Variants in HS3ST2 observed in about 807,000 individuals in gnomAD.
The protein encoded by HS3ST2 is heparan sulfate-glucosamine 3-sulfotransferase 2, also known as heparan sulfate glucosamine 3-O-sulfotransferase 2.
HS3ST2 carries 17 observed loss-of-function variants against 26.3 expected under a neutral mutation model. The observed-to-expected ratio is 0.65, with a 90% confidence interval of 0.44 to 0.97. The LOEUF (loss-of-function observed/expected upper bound fraction) is 0.97, where lower values mean the gene tolerates loss of function less well. Among genes scored for constraint, HS3ST2 ranks in the 50% least tolerant of loss-of-function variants. HS3ST2 has a pLI of 0.00. For missense variants in HS3ST2, 402 were observed against 501.2 expected (o/e 0.80, Z 1.89); for synonymous variants, 237 against 219.2 (o/e 1.08, Z -0.72).
intron 1 of HS3ST2, among the ~76,000 whole-genome samples, chr16:22,852,941 A>C (rs1003393825): frequency 2.2e-5 from 3 of 137,370 alleles, no homozygotes; most frequent in African/African-American, 9.6e-5. Flanking sequence ...GGTTCTGACT[A>C]ATCTCACGAA....
At chr16:22,851,406 G>A (rs913196545) in intron 1 of HS3ST2, among the ~76,000 whole-genome samples, 1 of 152,112 alleles carries the variant, frequency 6.6e-6, no homozygotes, top group Non-Finnish European at 1.5e-5. Flanking sequence ...GGAGTCAAGG[G>A]GCTTGCTCAA....
intron 1 of HS3ST2, among the ~76,000 whole-genome samples, chr16:22,831,374 G>A (rs1000463478): frequency 6.6e-6 from 1 of 152,182 alleles, no homozygotes; most frequent in Non-Finnish European, 1.5e-5. Context: ...ACATTATAAA[G>A]TCTGGGTGGT....
intron 1 of HS3ST2, among the ~76,000 whole-genome samples, chr16:22,840,191 G>A (rs1436422027): frequency 1.3e-5 from 2 of 152,130 alleles, no homozygotes; most frequent in Admixed American, 6.5e-5. Flanking sequence ...GGATTGCATG[G>A]GCACATTTGC....
chr16:22,895,867 T>C (rs1902203070), intron 1 of HS3ST2, among the ~76,000 whole-genome samples: 1 of 152,168 alleles, frequency 6.6e-6, no homozygotes, highest in African/African-American at 2.4e-5. Context: ...CAGTATCTCT[T>C]AGTAAAGAGA....
chr16:22,820,193 A>C (rs536350264), intron 1 of HS3ST2, among the ~76,000 whole-genome samples: 9 of 151,872 alleles, frequency 5.9e-5, no homozygotes, highest in Non-Finnish European at 8.8e-5. Flanking sequence ...GTCTTGCAGC[A>C]CTCTGTCAGC....
At chr16:22,885,502 C>G (rs371294568) in intron 1 of HS3ST2, among the ~76,000 whole-genome samples, 134 of 151,806 alleles carry the variant, frequency 8.8e-4, no homozygotes, top group African/African-American at 3.1e-3. Context: ...GCTGCCCAGG[C>G]TGGGGTGCAG....
chr16:22,814,878 G>A lies in HS3ST2; in HGVS notation c.268G>A (p.Ala90Thr). 1 of 1,557,966 alleles carries A rather than the reference G, an allele frequency of 6.4e-7. No homozygotes were observed. Among genetic ancestry groups the A allele is most frequent in the Non-Finnish European group, 8.7e-7 (1 of 1,152,206 alleles). The change falls in exon 1 of 2, where the codon GCC becomes ACC. Residue 90 changes from alanine (A) to threonine (T), a missense_variant. Physicochemically the swap from Ala to Thr is moderately conservative, Grantham distance 58 (BLOSUM62 0). Coordinates refer to ENST00000261374, the MANE Select transcript of HS3ST2 (RefSeq NM_006043.2). Reference protein sequence around the residue: ...PSEPSAPSAPAAAVPAPRLSG... With the variant: ...PSEPSAPSAPTAAVPAPRLSG... ...CGAGCCCAGCGCTCCCAGCGCGCCC[G>A]CCGCCGCCGTGCCCGCCCCTCGCCT...
At chr16:22,861,984 T>G (rs929094500) in intron 1 of HS3ST2, among the ~76,000 whole-genome samples, 4 of 152,228 alleles carry the variant, frequency 2.6e-5, no homozygotes, top group African/African-American at 9.6e-5. Flanking sequence ...CCTGTTTATG[T>G]TTTTCATAAA....
chr16:22,849,077 C>T (rs1901484907), intron 1 of HS3ST2, among the ~76,000 whole-genome samples: 1 of 152,128 alleles, frequency 6.6e-6, no homozygotes, highest in Non-Finnish European at 1.5e-5. Flanking sequence ...TTGTTTTTCG[C>T]ATCTAAGAAA....
intron 1 of HS3ST2, among the ~76,000 whole-genome samples, chr16:22,909,486 C>T (rs898793062): frequency 1.3e-5 from 2 of 152,198 alleles, no homozygotes; most frequent in Non-Finnish European, 2.9e-5. Flanking sequence ...AGTCTAATCA[C>T]GTCTTCCTCC....
intron 1 of HS3ST2, among the ~76,000 whole-genome samples, chr16:22,868,283 C>T (rs1442170733): frequency 2.0e-5 from 3 of 151,806 alleles, no homozygotes; most frequent in Non-Finnish European, 4.4e-5. Context: ...GTGGCATGCA[C>T]CCGTAGTCCC....
intron 1 of HS3ST2, among the ~76,000 whole-genome samples, chr16:22,861,977 G>A (rs898982983): frequency 6.6e-6 from 1 of 152,140 alleles, no homozygotes; most frequent in African/African-American, 2.4e-5. Flanking sequence ...GCCCCATCCT[G>A]TTTATGTTTT....
intron 1 of HS3ST2, among the ~76,000 whole-genome samples, chr16:22,843,450 G>A (rs1013547731): frequency 1.6e-4 from 25 of 152,206 alleles, no homozygotes; most frequent in African/African-American, 6.0e-4. Context: ...TTGGCTTCAA[G>A]TTTGACTGGC....
At chr16:22,862,176 A>C (rs958250652) in intron 1 of HS3ST2, among the ~76,000 whole-genome samples, 4 of 152,092 alleles carry the variant, frequency 2.6e-5, no homozygotes. Flanking sequence ...AAATGAAGGA[A>C]TGCACCAACA....
At chr16:22,850,425 GC>G (rs1901501658) in intron 1 of HS3ST2, among the ~76,000 whole-genome samples, 1 of 152,158 alleles carries the variant, frequency 6.6e-6, no homozygotes, top group Admixed American at 6.5e-5. Flanking sequence ...GAATTTAGTT[GC>G]TTGAACCATA....
In HS3ST2 at chr16:22,814,753, G is replaced by C. The variant is rs771320481; in HGVS notation, c.143G>C (p.Arg48Pro). Residue 48 changes from arginine (R) to proline (P), a missense_variant, in exon 1 of 2, where the codon CGC (arginine) becomes CCC (proline). This residue lies in a region of HS3ST2 where 165 missense variants were observed against 154.6 expected (regional missense o/e 1.07). Transcript: ENST00000261374. ...LCCCDDLGRSRLLGAPRCLRG... is the reference protein window; with the variant it reads ...LCCCDDLGRSPLLGAPRCLRG... ...TGCTGCGACGACCTGGGTCGGAGCC[G>C]CCTCCTCGGCGCGCCTCGCTGCCTC... 2 of 1,607,412 alleles carry C rather than the reference G, an allele frequency of 1.2e-6. No individual in the cohort carries two copies. The highest frequency in any genetic ancestry group is 2.2e-5 in the South Asian group (2 of 90,298).
intron 1 of HS3ST2, among the ~76,000 whole-genome samples, chr16:22,902,831 T>C (rs1466076630): frequency 6.6e-6 from 1 of 152,220 alleles, no homozygotes; most frequent in African/African-American, 2.4e-5. Context: ...TATTCATAGC[T>C]CTTTATTAAC....
chr16:22,915,761 T>C lies in HS3ST2; in HGVS notation c.*199T>C. 1.6e-6 allele frequency: 1 copy of C among 611,046 alleles called. No individual in the cohort carries two copies. Among genetic ancestry groups the C allele is most frequent in the Non-Finnish European group, 2.9e-6 (1 of 347,556 alleles). 37.9% of individuals were successfully genotyped at this position (611,046 alleles called of 1,614,324 possible). ...CCTGCCACTAGTTTTCATCAGTCTG[T>C]TCAAGCAAAGTTGATCTGCTCCTGG... is the stretch of plus-strand genomic sequence containing the variant. On this transcript the variant is annotated 3_prime_UTR_variant, in exon 2 of 2. Transcript: ENST00000261374.
intron 1 of HS3ST2, among the ~76,000 whole-genome samples, chr16:22,824,472 G>A (rs1319144611): frequency 2.6e-5 from 4 of 152,098 alleles, no homozygotes; most frequent in East Asian, 1.9e-4. Context: ...GCGTGAACCC[G>A]GGAGGCAGAG....
Sources: gnomAD v4.1 joint callset for allele counts (sites outside exome capture counted in the v4.1 genomes callset) on GRCh38, gnomAD v4.1.1 for gene constraint, gnomAD v4.1.1 regional missense constraint, MANE v1.5 for transcripts, NCBI Gene and HGNC (gene_info 2026-07-23, HGNC 2026-07-21) for gene names.